Variants in ZGLP1 observed in about 807,000 individuals in gnomAD.
The protein encoded by ZGLP1 is zinc finger GATA like protein 1, also known as GATA-type zinc finger protein 1.
A neutral mutation model predicts 21.4 loss-of-function variants in ZGLP1; 11 were observed. That is an observed-to-expected ratio of 0.51 (90% CI 0.32 to 0.85). ZGLP1 has a LOEUF of 0.85. Among genes scored for constraint, ZGLP1 ranks in the 40% least tolerant of loss-of-function variants. ZGLP1 has a pLI of 0.03. For missense variants in ZGLP1, 295 were observed against 355.6 expected, an observed-to-expected ratio of 0.83 and a Z score of 1.37; for synonymous variants, 148 against 145.0, an observed-to-expected ratio of 1.02 and a Z score of -0.15.
At chr19:10,306,308 T>C (rs1407048039) in intron 1 of ZGLP1, among the ~76,000 whole-genome samples, 8 of 152,098 alleles carry the variant, frequency 5.3e-5, no homozygotes, top group Admixed American at 1.3e-4. Flanking sequence ...AGACGGGGTT[T>C]CACCATGTTG....
chr19:10,306,001 C>T, intron 1 of ZGLP1, 49 bp from the exon 3 acceptor site: 2 of 1,327,516 alleles, frequency 1.5e-6, no homozygotes, highest in South Asian at 1.3e-5. Flanking sequence ...GTAGCTTGTC[C>T]CCAACAGCCC....
exon 1 of ZGLP1, chr19:10,308,786 A>C: frequency 8.7e-7 from 1 of 1,143,336 alleles, no homozygotes; most frequent in Non-Finnish European, 1.1e-6. Flanking sequence ...TCAACCCCTT[A>C]CGGCACCCGT....
At chr19:10,306,473 T>C (rs2040696114) in intron 1 of ZGLP1, among the ~76,000 whole-genome samples, 2 of 152,044 alleles carry the variant, frequency 1.3e-5, no homozygotes, top group Non-Finnish European at 2.9e-5. Context: ...CAGGTTCCAA[T>C]CCCAGTTCTC....
chr19:10,306,101 A>ATATTATTATTAT (rs3073811), intron 1 of ZGLP1, 149 bp from the exon 3 acceptor site: 4 of 360,136 alleles, frequency 1.1e-5, no homozygotes, highest in African/African-American at 8.5e-5. Context: ...CTCATTAGTA[A>ATATTATTATTAT]TATTATTATT....
Position 10,305,184 on chromosome 19 carries a change from G to A in ZGLP1, c.723C>T (p.Cys241=), listed in dbSNP as rs202088522. ...TCCTGGGCACCAGCCAGCAGCTGGA[G>A]CAGCGAGTGCCGTATTTCTTGTACC... The change falls in exon 4 of 4, where the codon TGC becomes TGT. Residue 241 remains cysteine (C), a synonymous_variant. Transcript: ENST00000403903. The surrounding 1 kb of genome is among the most constrained non-coding windows in gnomAD (Gnocchi z 4.7). The A allele has an allele frequency of 1.2e-4, 190 of 1,614,024 alleles. 1 individual carries two copies. The highest frequency in any genetic ancestry group is 4.0e-4 in the South Asian group (36 of 91,088).
intron 1 of ZGLP1, 53 bp from the exon 3 acceptor site, chr19:10,306,005 A>G (rs565179104): frequency 5.4e-6 from 7 of 1,303,704 alleles, no homozygotes; most frequent in Non-Finnish European, 7.5e-6. Flanking sequence ...CTTGTCCCCA[A>G]CAGCCCTCCG....
At chr19:10,306,259 C>T (rs927781511) in intron 1 of ZGLP1, among the ~76,000 whole-genome samples, 5 of 151,750 alleles carry the variant, frequency 3.3e-5, no homozygotes, top group South Asian at 2.1e-4. Flanking sequence ...ACTACAGGCG[C>T]GCGACACCAC....
rs771423218 is a variant in ZGLP1, at chr19:10,305,188, C to T, written c.719G>A (p.Arg240His). Residue 240 changes from arginine to histidine, a missense_variant, in exon 4 of 4, where the codon CGC (arginine) becomes CAC (histidine). Physicochemically the swap from Arg to His is conservative, Grantham distance 29 (BLOSUM62 0). This residue lies in a region of ZGLP1 where 43 missense variants were observed against 91.7 expected (regional missense o/e 0.47). Coordinates refer to ENST00000403903, the Ensembl canonical transcript of ZGLP1. This position sits in a 1 kb window ranked among gnomAD's most constrained non-coding sequence, Gnocchi z 4.7. The stretch of plus-strand genomic sequence containing the variant: ...GGGCACCAGCCAGCAGCTGGAGCAG[C>T]GAGTGCCGTATTTCTTGTACCTAGG... The T allele has an allele frequency of 1.9e-6, 3 of 1,613,932 alleles. No homozygotes were observed. The highest frequency in any genetic ancestry group is 2.2e-5 in the South Asian group (2 of 91,084).
rs916710889 is a variant in ZGLP1, at chr19:10,308,624, G to A, written c.58C>T (p.Gln20Ter). Reference sequence around the variant, plus strand: ...TTAGCCGGCCAGGGGGTTCCAACTTGGGCCGGCTCTTTGTGTACCCTTGGA... The same window carrying A: ...TTAGCCGGCCAGGGGGTTCCAACTTAGGCCGGCTCTTTGTGTACCCTTGGA... Residue 20 changes from glutamine (Q) to a stop codon, truncating the protein, a stop_gained, in exon 1 of 4, where the codon CAA becomes TAA. Transcript: ENST00000403903. LOFTEE classifies it high-confidence loss of function. 9.8e-6 allele frequency: 15 copies of A among 1,531,506 alleles called. No individual in the cohort carries two copies. Among genetic ancestry groups the A allele is most frequent in the South Asian group, 1.3e-5 (1 of 78,580 alleles). The allele number at this position is 1,531,506 out of a possible 1,614,324, so 94.9% of individuals were successfully genotyped here.
Position 10,305,015 on chromosome 19 carries a change from A to G in ZGLP1, c.*76T>C. 2 of 1,165,384 alleles carry G rather than the reference A, an allele frequency of 1.7e-6. No homozygotes were observed. The highest frequency in any genetic ancestry group is 2.6e-6 in the Non-Finnish European group (2 of 782,760). The allele number at this position is 1,165,384 out of a possible 1,614,324, so 72.2% of individuals were successfully genotyped here. A position where few individuals can be genotyped will look rare whatever the true frequency, so the allele number is the denominator to read the frequency against. On this transcript the variant is annotated 3_prime_UTR_variant, in exon 4 of 4. Coordinates refer to ENST00000403903, the Ensembl canonical transcript of ZGLP1. This position sits in a 1 kb window ranked among gnomAD's most constrained non-coding sequence, Gnocchi z 4.7. ...GGCCGGCTCTTTCCCCAATCCTCCT[A>G]GGAGAGCTGCTTCTGCCCATTCTCC...
At chr19:10,308,690 C>G in exon 1 of ZGLP1, 2 of 1,489,126 alleles carry the variant, frequency 1.3e-6, no homozygotes, top group Non-Finnish European at 1.8e-6. Context: ...ATTTCTAACT[C>G]TGGGTGGAAG....
exon 1 of ZGLP1, chr19:10,308,602 G>A: frequency 6.4e-7 from 1 of 1,562,976 alleles, no homozygotes; most frequent in Non-Finnish European, 8.7e-7. Flanking sequence ...CCTGGGTTTA[G>A]CCGGCCAGGG....
chr19:10,308,816 CG>C, exon 1 of ZGLP1: 1 of 757,258 alleles, frequency 1.3e-6, no homozygotes, highest in Non-Finnish European at 1.9e-6. Flanking sequence ...AGGCAGGGAC[CG>C]CCCTAGGTGA....
chr19:10,306,194 C>T (rs1438408473), intron 1 of ZGLP1, among the ~76,000 whole-genome samples: 1 of 151,822 alleles, frequency 6.6e-6, no homozygotes, highest in Non-Finnish European at 1.5e-5. Context: ...CTCACTACAA[C>T]CTCCACCTCC....
Position 10,305,805 on chromosome 19 carries a change from G to A in ZGLP1, c.604+41C>T, listed in dbSNP as rs769511600. The A allele has an allele frequency of 1.2e-5, 18 of 1,453,198 alleles. No homozygotes were observed. The highest frequency in any genetic ancestry group is 1.5e-5 in the Non-Finnish European group (16 of 1,057,276). 90.0% of individuals were successfully genotyped at this position (1,453,198 alleles called of 1,614,324 possible). ...GAAAGGCAGGGAAGACAGGAAATTG[G>A]CCCCCAAAATATTTATAGCTCTTGG... On this transcript the variant is annotated intron_variant, in intron 2 of 3. Transcript: ENST00000403903. The surrounding 1 kb of genome is among the most constrained non-coding windows in gnomAD (Gnocchi z 4.7).
rs1779848295 is a variant in ZGLP1 at position 10,305,716 on chromosome 19, G to T, written c.604+130C>A. The T allele has an allele frequency of 7.5e-6, 6 of 798,996 alleles. No homozygotes were observed. The highest frequency in any genetic ancestry group is 1.5e-5 in the South Asian group (1 of 65,822). The allele number at this position is 798,996 out of a possible 1,614,324, so 49.5% of individuals were successfully genotyped here. Reference sequence around the variant, plus strand: ...GGTGACTCAGCCCAAGTGGAGGGGGGTGCTGCGACTCCTCCCTGAGGGCTC... The same window carrying T: ...GGTGACTCAGCCCAAGTGGAGGGGGTTGCTGCGACTCCTCCCTGAGGGCTC... On this transcript the variant is annotated intron_variant, in intron 2 of 3. Transcript: ENST00000403903. This position sits in a 1 kb window ranked among gnomAD's most constrained non-coding sequence, Gnocchi z 4.7.
intron 1 of ZGLP1, 42 bp downstream of exon 2, chr19:10,308,142 TG>T: frequency 6.6e-7 from 1 of 1,508,076 alleles, no homozygotes; most frequent in Non-Finnish European, 8.8e-7. Context: ...GTGTTTGCGT[TG>T]TAACTGGGAG....
In ZGLP1 at chr19:10,308,261, C is replaced by T. The variant is rs780518093; in HGVS notation, c.421G>A (p.Asp141Asn). The change falls in exon 1 of 4, where the codon GAC becomes AAC. Residue 141 changes from aspartate to asparagine, a missense_variant. Asp to Asn is a conservative substitution (Grantham distance 23). Around this residue, in one of 2 missense-constraint regions of ZGLP1, gnomAD observed 252 missense variants for 264.0 expected, o/e 0.95. Transcript: ENST00000403903. ...AGAGTCACCCCCTCGAACCCAGGGT[C>T]CACTCTCTCGGTGCCCCGGCAGGGG... The T allele has an allele frequency of 8.1e-6, 13 of 1,599,766 alleles. No homozygotes were observed. The highest frequency in any genetic ancestry group is 1.1e-5 in the Non-Finnish European group (13 of 1,172,902).
rs1402905973 is a variant in ZGLP1, at chr19:10,305,688, G to A, written c.604+158C>T. 2.7e-6 allele frequency: 2 copies of A among 744,198 alleles called. No individual in the cohort carries two copies. The highest frequency in any genetic ancestry group is 1.7e-5 in the African/African-American group (1 of 57,820). The allele number at this position is 744,198 out of a possible 1,614,324, so 46.1% of individuals were successfully genotyped here. ...TTCCGCAGAGGAGGAAGCTGGGGGT[G>A]GGGGTGACTCAGCCCAAGTGGAGGG... On this transcript the variant is annotated intron_variant, in intron 2 of 3. Coordinates refer to ENST00000403903, the Ensembl canonical transcript of ZGLP1. The surrounding 1 kb of genome is among the most constrained non-coding windows in gnomAD (Gnocchi z 4.7).
Sources: gnomAD v4.1 joint callset for allele counts (sites outside exome capture counted in the v4.1 genomes callset) on GRCh38, gnomAD v4.1.1 for gene constraint, gnomAD v4.1.1 regional missense constraint, Gnocchi (gnomAD v3.1) non-coding constraint, MANE v1.5 for transcripts, NCBI Gene and HGNC (gene_info 2026-07-23, HGNC 2026-07-21) for gene names.